Variants in NELL1 observed in about 807,000 individuals in gnomAD.
NELL1 encodes neural EGFL like 1.
Under a neutral mutation model 107.4 loss-of-function variants are expected in NELL1, and 76 were observed. The observed-to-expected ratio is 0.71, with a 90% CI of 0.59 to 0.86. The LOEUF (loss-of-function observed/expected upper bound fraction) is 0.86. NELL1 is among the 40% of genes least tolerant of loss of function. The pLI is 0.00. For missense variants in NELL1, 1,024 were observed against 1,005.5 expected, an observed-to-expected ratio of 1.02 and a Z score of -0.25; for synonymous variants, 353 against 341.2, an observed-to-expected ratio of 1.03 and a Z score of -0.38.
intron 16 of NELL1, among the ~76,000 whole-genome samples, chr11:21,544,103 G>A (rs1026307388): frequency 1.3e-5 from 2 of 151,964 alleles, no homozygotes; most frequent in African/African-American, 4.8e-5. Flanking sequence ...ATGACATGAA[G>A]CAATACAGGC....
At chr11:20,896,888 A>G (rs1253360840) in intron 5 of NELL1, among the ~76,000 whole-genome samples, 1 of 152,142 alleles carries the variant, frequency 6.6e-6, no homozygotes, top group Admixed American at 6.5e-5. Flanking sequence ...GAGAACTACA[A>G]ACCACTGCTC....
intron 16 of NELL1, among the ~76,000 whole-genome samples, chr11:21,543,518 G>A (rs1856347052): frequency 1.3e-5 from 2 of 152,002 alleles, no homozygotes; most frequent in African/African-American, 2.4e-5. Flanking sequence ...GCAGAATGGA[G>A]AGGTTAAGAA....
At chr11:21,411,914 T>G (rs1852386957) in intron 15 of NELL1, among the ~76,000 whole-genome samples, 1 of 152,062 alleles carries the variant, frequency 6.6e-6, no homozygotes, top group South Asian at 2.1e-4. Flanking sequence ...TTGATAGACC[T>G]TGCTGAATGA....
At chr11:21,059,270 T>TG (rs1165994800) in intron 12 of NELL1, among the ~76,000 whole-genome samples, 1 of 151,808 alleles carries the variant, frequency 6.6e-6, no homozygotes, top group Non-Finnish European at 1.5e-5. Context: ...GTTTTGTTTT[T>TG]TTTTTTTTCA....
chr11:21,173,504 C>T (rs575532717), intron 13 of NELL1, among the ~76,000 whole-genome samples: 1 of 151,898 alleles, frequency 6.6e-6, no homozygotes, highest in African/African-American at 2.4e-5. Flanking sequence ...CCACCTTTTT[C>T]ATGAAGACTT....
chr11:21,025,566 C>G (rs1180734220), intron 12 of NELL1, among the ~76,000 whole-genome samples: 3 of 151,868 alleles, frequency 2.0e-5, no homozygotes, highest in Non-Finnish European at 1.5e-5. Flanking sequence ...CTAATTCTCT[C>G]TTTGCTGGTT....
intron 12 of NELL1, among the ~76,000 whole-genome samples, chr11:21,088,419 T>G (rs1373677099): frequency 6.6e-6 from 1 of 152,108 alleles, no homozygotes; most frequent in African/African-American, 2.4e-5. Context: ...GTTATTTTCT[T>G]AAAACAACAA....
intron 13 of NELL1, among the ~76,000 whole-genome samples, chr11:21,199,380 G>A (rs750962494): frequency 1.3e-5 from 2 of 152,144 alleles, no homozygotes; most frequent in Non-Finnish European, 2.9e-5. Context: ...AACTTCCTAA[G>A]CTCCAGGGGC....
rs1486692853 is a variant in NELL1, at chr11:21,258,328, T to G, written c.1549+28874T>G. ...TGGAAACAGACCTCAATTGAAATTC[T>G]AGTTCTGTAGCTAATTAGCACTGTT... is the stretch of plus-strand genomic sequence containing the variant. On this transcript the variant is annotated intron_variant, in intron 14 of 19. Transcript: ENST00000357134. Among the ~76,000 whole-genome samples the G allele has an allele frequency of 1.1e-4, 16 of 152,190 alleles. No individual in the cohort carries two copies. The East Asian group carries it at 1.4e-3, about 13-fold the overall frequency.
At chr11:20,984,577 A>G (rs1054642936) in intron 12 of NELL1, among the ~76,000 whole-genome samples, 2 of 152,130 alleles carry the variant, frequency 1.3e-5, no homozygotes, top group Non-Finnish European at 2.9e-5. Flanking sequence ...GTTATGTTTC[A>G]CAAATGTTGG....
At chr11:20,844,484 A>C (rs912361037) in intron 3 of NELL1, among the ~76,000 whole-genome samples, 1 of 152,144 alleles carries the variant, frequency 6.6e-6, no homozygotes, top group African/African-American at 2.4e-5. Flanking sequence ...TTTATCATTT[A>C]TACAGCTGCC....
chr11:21,127,083 A>G (rs1855502761), intron 13 of NELL1, among the ~76,000 whole-genome samples: 1 of 152,154 alleles, frequency 6.6e-6, no homozygotes, highest in Admixed American at 6.5e-5. Context: ...TTATTCCTTA[A>G]GGGTGGTCAT....
intron 13 of NELL1, among the ~76,000 whole-genome samples, chr11:21,149,735 C>A (rs1000247214): frequency 6.6e-6 from 1 of 151,968 alleles, no homozygotes; most frequent in Non-Finnish European, 1.5e-5. Context: ...GCCCAATAGG[C>A]GTAAATAAAT....
chr11:20,864,204 A>G (rs1346528678), intron 4 of NELL1, among the ~76,000 whole-genome samples: 1 of 152,162 alleles, frequency 6.6e-6, no homozygotes, highest in African/African-American at 2.4e-5. Flanking sequence ...AGAAAATTGT[A>G]TGTATTTATT....
intron 13 of NELL1, among the ~76,000 whole-genome samples, chr11:21,149,816 T>G (rs1670635): frequency 0.78 from 119,175 of 152,090 alleles, 46,774 homozygotes; most frequent in Admixed American, 0.84. Flanking sequence ...AAACAGGTTT[T>G]CTTGTTTACT....
In NELL1 at chr11:20,706,642, C is replaced by T. The variant is rs1324021333; in HGVS notation, c.184+28582C>T. Among the ~76,000 whole-genome samples, 10 of 151,880 alleles carry T rather than the reference C, an allele frequency of 6.6e-5. No individual in the cohort carries two copies. In the East Asian group the frequency reaches 1.7e-3, roughly 26 times the overall value. ...ATATGTAACAAACCTGCACGTTGTG[C>T]ACATGTACCCTAAAACTTATAATAA... On this transcript the variant is annotated intron_variant, in intron 2 of 19. Transcript: ENST00000357134.
At chr11:21,311,078 CATA>C (rs1565161490) in intron 14 of NELL1, among the ~76,000 whole-genome samples, 29 of 152,184 alleles carry the variant, frequency 1.9e-4, no homozygotes, top group African/African-American at 6.3e-4. Context: ...ACTGGCTTCT[CATA>C]GTGTTTAATG....
At chr11:20,685,980 G>T (rs939081445) in intron 2 of NELL1, among the ~76,000 whole-genome samples, 2 of 151,970 alleles carry the variant, frequency 1.3e-5, no homozygotes, top group Admixed American at 6.6e-5. Context: ...GTCTCTTAAT[G>T]TATTCAAGCC....
intron 2 of NELL1, among the ~76,000 whole-genome samples, chr11:20,736,865 C>T (rs1291921698): frequency 6.6e-6 from 1 of 151,838 alleles, no homozygotes; most frequent in African/African-American, 2.4e-5. Flanking sequence ...AGCAATTCTC[C>T]TGCCTCAGCC....
Sources: gnomAD v4.1 joint callset for allele counts (sites outside exome capture counted in the v4.1 genomes callset) on GRCh38, gnomAD v4.1.1 for gene constraint, MANE v1.5 for transcripts, NCBI Gene and HGNC (gene_info 2026-07-23, HGNC 2026-07-21) for gene names.